Variants in EGFLAM observed in about 807,000 individuals in gnomAD.
EGFLAM encodes the protein pikachurin.
Under a neutral mutation model 113.1 loss-of-function variants are expected in EGFLAM, and 79 were observed. That is an observed-to-expected ratio of 0.70 (90% confidence interval 0.58 to 0.84). The LOEUF is 0.84. Among genes scored for constraint, EGFLAM ranks in the 40% least tolerant of loss-of-function variants. EGFLAM has a pLI of 0.00. For synonymous variants in EGFLAM, 504 were observed against 487.6 expected (o/e 1.03, Z -0.44); for missense variants, 1,265 against 1,291.6 (o/e 0.98, Z 0.32).
intron 16 of EGFLAM, among the ~76,000 whole-genome samples, chr5:38,437,231 G>A (rs535032691): frequency 2.0e-5 from 3 of 152,244 alleles, no homozygotes; most frequent in East Asian, 3.9e-4. Flanking sequence ...TAAAGAATGC[G>A]ACCTGTGTTT....
intron 6 of EGFLAM, among the ~76,000 whole-genome samples, chr5:38,375,365 C>T (rs144595117): frequency 2.0e-5 from 3 of 152,214 alleles, no homozygotes; most frequent in Admixed American, 6.5e-5. Flanking sequence ...CATTCTCGTC[C>T]CTCTCACTCC....
At chr5:38,441,910 TG>T (rs1451396402) in intron 17 of EGFLAM, among the ~76,000 whole-genome samples, 1 of 151,968 alleles carries the variant, frequency 6.6e-6, no homozygotes, top group African/African-American at 2.4e-5. Flanking sequence ...TAGATGGCGG[TG>T]TTTCTCTGTA....
intron 18 of EGFLAM, among the ~76,000 whole-genome samples, chr5:38,451,080 G>C (rs1742897460): frequency 6.6e-6 from 1 of 152,234 alleles, no homozygotes; most frequent in African/African-American, 2.4e-5. Flanking sequence ...TTGCTAATCT[G>C]TCACTCAGCA....
At chr5:38,400,813 T>A (rs112902175) in intron 6 of EGFLAM, among the ~76,000 whole-genome samples, 2,109 of 152,280 alleles carry the variant, frequency 0.014, 50 homozygotes, top group African/African-American at 0.048. Context: ...ATGAGCTGCT[T>A]CTCTGGGCGA....
intron 5 of EGFLAM, among the ~76,000 whole-genome samples, chr5:38,369,520 G>A (rs1318826549): frequency 6.6e-6 from 1 of 152,196 alleles, no homozygotes; most frequent in Non-Finnish European, 1.5e-5. Context: ...ACAATTTGAT[G>A]CCAGGTACTA....
intron 4 of EGFLAM, among the ~76,000 whole-genome samples, chr5:38,351,740 C>T (rs765244095): frequency 8.5e-5 from 13 of 152,120 alleles, no homozygotes; most frequent in Admixed American, 1.3e-4. Context: ...AGGGGCAAAA[C>T]ACACAGAGAA....
intron 1 of EGFLAM, among the ~76,000 whole-genome samples, chr5:38,327,472 C>A (rs1464916804): frequency 6.6e-6 from 1 of 152,152 alleles, no homozygotes; most frequent in South Asian, 2.1e-4. Flanking sequence ...TATCAATTAG[C>A]TTTCTTCTCT....
At chr5:38,445,347 G>A (rs1335524141) in intron 17 of EGFLAM, 1 of 272,388 alleles carries the variant, frequency 3.7e-6, no homozygotes, top group Non-Finnish European at 5.6e-6. Flanking sequence ...TAAAAGAAAT[G>A]CAGATTGTCA....
intron 1 of EGFLAM, among the ~76,000 whole-genome samples, chr5:38,273,649 A>ATG (rs888579043): frequency 6.6e-6 from 1 of 152,254 alleles, no homozygotes; most frequent in African/African-American, 2.4e-5. Flanking sequence ...ACGCACTGCA[A>ATG]TGTGTGCAGT....
At chr5:38,287,309 G>A (rs1238506687) in intron 1 of EGFLAM, among the ~76,000 whole-genome samples, 1 of 152,190 alleles carries the variant, frequency 6.6e-6, no homozygotes, top group East Asian at 1.9e-4. Flanking sequence ...GCTACTATGA[G>A]TTAAGGCGTA....
chr5:38,325,771 T>G (rs562445935), intron 1 of EGFLAM, among the ~76,000 whole-genome samples: 1 of 152,240 alleles, frequency 6.6e-6, no homozygotes, highest in Middle Eastern at 3.4e-3. Flanking sequence ...TAAAAGTACA[T>G]ACTTCATGAG....
chr5:38,422,922 A>G (rs12332508), intron 12 of EGFLAM, among the ~76,000 whole-genome samples: 3,233 of 152,266 alleles, frequency 0.021, 115 homozygotes, highest in African/African-American at 0.073. Context: ...TTACTCACCC[A>G]TGCTCAGGTT....
chr5:38,334,508 ACTTAATC>A (rs1448447827), intron 1 of EGFLAM, among the ~76,000 whole-genome samples: 1 of 152,106 alleles, frequency 6.6e-6, no homozygotes, highest in African/African-American at 2.4e-5. Flanking sequence ...TACCCTCATG[ACTTAATC>A]ACCTCCCAAA....
rs748441966 is a variant in EGFLAM at position 38,297,028 on chromosome 5, C to T, written c.97+38177C>T. ...CAAAAAAATGTGTGAAAGTCATGAA[C>T]GACAACGAAAAATTTAGGAATTGTT... is the stretch of plus-strand genomic sequence containing the variant. On this transcript the variant is annotated intron_variant, in intron 1 of 21. Coordinates refer to ENST00000322350, the MANE Select transcript of EGFLAM (RefSeq NM_152403.4). Among the ~76,000 whole-genome samples the T allele has an allele frequency of 2.4e-3, 364 of 152,110 alleles. 2 individuals carry two copies. The highest frequency in any genetic ancestry group is 8.2e-3 in the African/African-American group (342 of 41,480).
chr5:38,435,396 C>A, intron 16 of EGFLAM, 143 bp downstream of exon 16: 1 of 645,856 alleles, frequency 1.5e-6, no homozygotes, highest in African/African-American at 1.8e-5. Context: ...TATTTTAATG[C>A]CCACAGCATG....
At chr5:38,286,469 A>T (rs1459655225) in intron 1 of EGFLAM, 2 of 152,308 alleles carry the variant, frequency 1.3e-5, no homozygotes, top group East Asian at 3.9e-4. Flanking sequence ...TCTCAGCAAA[A>T]TGTATCAGGA....
At chr5:38,372,857 C>T (rs528421546) in intron 6 of EGFLAM, among the ~76,000 whole-genome samples, 2 of 152,248 alleles carry the variant, frequency 1.3e-5, no homozygotes, top group South Asian at 2.1e-4. Context: ...TCACTTCTGA[C>T]ATTTTGGAAA....
At chr5:38,354,310 A>C (rs1739706577) in intron 5 of EGFLAM, among the ~76,000 whole-genome samples, 1 of 152,214 alleles carries the variant, frequency 6.6e-6, no homozygotes, top group Admixed American at 6.5e-5. Flanking sequence ...CTACACTGAA[A>C]ATCCTAAAAC....
Position 38,451,056 on chromosome 5 carries a change from C to T in EGFLAM, c.2544-259C>T, listed in dbSNP as rs2112264290. On this transcript the variant is annotated intron_variant, in intron 18 of 21. Transcript: ENST00000322350. ...TATGGGGGTGCAGCCTAAGCTGTGA[C>T]ATTGGCCATAGTCTTGCTAATCTGT... Among the ~76,000 whole-genome samples, 2 of 152,342 alleles carry T rather than the reference C, an allele frequency of 1.3e-5. 1 individual carries two copies. Among genetic ancestry groups the T allele is most frequent in the South Asian group, 4.1e-4 (2 of 4,830 alleles).
Sources: gnomAD v4.1 joint callset for allele counts (sites outside exome capture counted in the v4.1 genomes callset) on GRCh38, gnomAD v4.1.1 for gene constraint, MANE v1.5 for transcripts, NCBI Gene and HGNC (gene_info 2026-07-23, HGNC 2026-07-21) for gene names.